Variants in MALT1 observed in about 807,000 individuals in gnomAD.
MALT1 encodes the protein mucosa-associated lymphoid tissue lymphoma translocation protein 1.
A neutral mutation model predicts 85.5 loss-of-function variants in MALT1; 36 were observed. The observed-to-expected ratio is 0.42, with a 90% CI of 0.32 to 0.56. The LOEUF is 0.56. Ranked by LOEUF, MALT1 falls within the 20% of genes least tolerant of loss-of-function variation. The pLI, the probability that MALT1 is intolerant of heterozygous loss-of-function variation, is 0.10. For synonymous variants in MALT1, 359 were observed against 361.3 expected (o/e 0.99, Z 0.07); for missense variants, 716 against 981.6 (o/e 0.73, Z 3.62).
intron 2 of MALT1, 65 bp downstream of exon 2, chr18:58,681,401 C>G: frequency 1.4e-6 from 2 of 1,458,484 alleles, no homozygotes; most frequent in Non-Finnish European, 1.9e-6. Context: ...GAAATTATCT[C>G]TTTTGACCAG....
chr18:58,733,601 A>G (rs781683479), intron 11 of MALT1, 27 bp downstream of exon 11: 1 of 1,493,582 alleles, frequency 6.7e-7, no homozygotes, highest in Non-Finnish European at 9.1e-7. Context: ...TTATTAAAGA[A>G]TTGTTGGAGT....
chr18:58,741,622 A>T (rs1446862255), intron 13 of MALT1: 5 of 290,956 alleles, frequency 1.7e-5, no homozygotes, highest in Non-Finnish European at 3.2e-5. Context: ...TACATAGAAC[A>T]TTTTTGTTGA....
chr18:58,722,926 A>T, intron 9 of MALT1, 122 bp from the exon 10 acceptor site: 1 of 653,530 alleles, frequency 1.5e-6, no homozygotes, highest in African/African-American at 1.8e-5. Context: ...TAAATAATGA[A>T]ATCTTATTTG....
intron 2 of MALT1, chr18:58,690,312 C>T (rs904240560): frequency 2.0e-5 from 3 of 152,366 alleles, no homozygotes; most frequent in African/African-American, 7.2e-5. Context: ...AAGACCAGAT[C>T]AGTATGGTGT....
intron 1 of MALT1, among the ~76,000 whole-genome samples, chr18:58,678,153 A>G (rs1322002345): frequency 1.3e-5 from 2 of 152,218 alleles, no homozygotes; most frequent in Non-Finnish European, 2.9e-5. Context: ...TTGATCGTAT[A>G]CATTTTTTCC....
chr18:58,684,615 T>C (rs1446256899), intron 2 of MALT1, among the ~76,000 whole-genome samples: 2 of 151,960 alleles, frequency 1.3e-5, no homozygotes, highest in Admixed American at 6.6e-5. Flanking sequence ...CCCAGCTAAT[T>C]TTGTATTTTT....
intron 14 of MALT1, among the ~76,000 whole-genome samples, chr18:58,742,764 T>C (rs1320562271): frequency 6.6e-6 from 1 of 152,114 alleles, no homozygotes; most frequent in African/African-American, 2.4e-5. Context: ...ATTGAATGAG[T>C]GCATAGGTAG....
At chr18:58,708,280 G>A (rs1490157887) in intron 4 of MALT1, among the ~76,000 whole-genome samples, 1 of 152,220 alleles carries the variant, frequency 6.6e-6, no homozygotes, top group Non-Finnish European at 1.5e-5. Context: ...GTTGGTGAGT[G>A]AGGCAGAATC....
chr18:58,739,125 A>C (rs1052434922), intron 13 of MALT1, among the ~76,000 whole-genome samples: 3 of 152,184 alleles, frequency 2.0e-5, no homozygotes, highest in African/African-American at 7.2e-5. Context: ...TAATATGGTG[A>C]GTTAAATTTA....
intron 13 of MALT1, among the ~76,000 whole-genome samples, chr18:58,738,161 G>A (rs747244565): frequency 9.9e-5 from 15 of 151,646 alleles, no homozygotes; most frequent in South Asian, 8.3e-4. Flanking sequence ...TTCCTTTTTC[G>A]TTTTACATAG....
At chr18:58,741,181 T>TATCA in intron 13 of MALT1, among the ~76,000 whole-genome samples, 2 of 152,198 alleles carry the variant, frequency 1.3e-5, no homozygotes, top group South Asian at 4.1e-4. Context: ...TATAACAGAT[T>TATCA]GTTTAAAATC....
intron 2 of MALT1, among the ~76,000 whole-genome samples, chr18:58,689,657 C>T (rs2054466012): frequency 6.6e-6 from 1 of 152,016 alleles, no homozygotes; most frequent in Non-Finnish European, 1.5e-5. Flanking sequence ...GGACACTGAA[C>T]TGGGTGAATG....
chr18:58,703,062 G>A (rs973308011), intron 4 of MALT1, among the ~76,000 whole-genome samples: 1 of 152,098 alleles, frequency 6.6e-6, no homozygotes, highest in African/African-American at 2.4e-5. Context: ...TAAGGTTGTT[G>A]AGAAATAAAA....
intron 3 of MALT1, among the ~76,000 whole-genome samples, chr18:58,699,359 T>C (rs1568133407): frequency 6.6e-6 from 1 of 152,194 alleles, no homozygotes; most frequent in Admixed American, 6.5e-5. Context: ...ATAGTAGGAT[T>C]GTCAGGCAGT....
chr18:58,745,929 T>A, intron 16 of MALT1, 138 bp downstream of exon 16: 1 of 707,818 alleles, frequency 1.4e-6, no homozygotes, highest in Non-Finnish European at 2.3e-6. Context: ...TCAGTGACCC[T>A]TTTTATATTC....
chr18:58,750,632 A>G lies in MALT1; in HGVS notation c.*2790A>G, dbSNP rs76797011. The G allele has an allele frequency of 5.3e-5, 8 of 152,332 alleles. No homozygotes were observed. The highest frequency in any genetic ancestry group is 1.9e-4 in the African/African-American group (8 of 41,582). The allele number at this position is 152,332 out of a possible 1,614,324, so 9.4% of individuals were successfully genotyped here. A position where few individuals can be genotyped will look rare whatever the true frequency, so the allele number is the denominator to read the frequency against. On this transcript the variant is annotated 3_prime_UTR_variant, in exon 17 of 17. Coordinates refer to ENST00000649217, the MANE Select transcript of MALT1 (RefSeq NM_006785.4). ...AGGATGCCAATACCATCAATAGAGA[A>G]GGAGTGGTCTTTTCAACAAACGGTG...
chr18:58,683,586 T>G (rs2054354582), intron 2 of MALT1, among the ~76,000 whole-genome samples: 1 of 152,258 alleles, frequency 6.6e-6, no homozygotes, highest in South Asian at 2.1e-4. Flanking sequence ...GGTGTAACAA[T>G]TTGCCTGAAT....
intron 10 of MALT1, among the ~76,000 whole-genome samples, chr18:58,732,514 C>T (rs2144456893): frequency 6.6e-6 from 1 of 152,238 alleles, no homozygotes; most frequent in East Asian, 1.9e-4. Context: ...GTCAGATTTC[C>T]CATCTCTGAT....
At chr18:58,703,757 C>G (rs545704579) in intron 4 of MALT1, among the ~76,000 whole-genome samples, 1 of 152,328 alleles carries the variant, frequency 6.6e-6, no homozygotes, top group African/African-American at 2.4e-5. Context: ...GGTGGGGACA[C>G]AGCCAACTCA....
Sources: gnomAD v4.1 joint callset for allele counts (sites outside exome capture counted in the v4.1 genomes callset) on GRCh38, gnomAD v4.1.1 for gene constraint, MANE v1.5 for transcripts, NCBI Gene and HGNC (gene_info 2026-07-23, HGNC 2026-07-21) for gene names.